Variants in CCDC12 observed in about 807,000 individuals in gnomAD.
CCDC12 encodes the protein coiled-coil domain containing 12.
A neutral mutation model predicts 25.7 loss-of-function variants in CCDC12; 28 were observed. That is an observed-to-expected ratio of 1.09 (90% CI 0.81 to 1.50). The LOEUF (loss-of-function observed/expected upper bound fraction) is 1.50, where lower values mean the gene tolerates loss of function less well. Ranked by LOEUF, CCDC12 falls within the 40% of genes most tolerant of loss-of-function variation. The probability of loss-of-function intolerance (pLI) is 0.00; values close to 1 mark genes in which losing one functional copy is unlikely to be tolerated. For missense variants in CCDC12, 198 were observed against 210.0 expected, an observed-to-expected ratio of 0.94 and a Z score of 0.35; for synonymous variants, 75 against 87.7, an observed-to-expected ratio of 0.86 and a Z score of 0.81.
chr3:46,952,829 G>A (rs1559559474), intron 1 of CCDC12, among the ~76,000 whole-genome samples: 1 of 152,226 alleles, frequency 6.6e-6, no homozygotes, highest in Non-Finnish European at 1.5e-5. Flanking sequence ...TACCACAGAT[G>A]AGAAAAATGG....
chr3:46,970,379 G>A (rs4522803), intron 1 of CCDC12, among the ~76,000 whole-genome samples: 143,850 of 152,148 alleles, frequency 0.95, 68,561 homozygotes, highest in East Asian at 1. Context: ...AGGGAAGCCA[G>A]AAGATTGGAC....
intron 3 of CCDC12, chr3:46,924,975 T>A (rs180671757): frequency 1.4e-4 from 45 of 315,892 alleles, no homozygotes; most frequent in African/African-American, 8.9e-4. Flanking sequence ...TCCCACGCCA[T>A]GGCAAGAGTC....
chr3:46,946,538 A>G (rs2033914579), intron 1 of CCDC12, among the ~76,000 whole-genome samples: 1 of 152,238 alleles, frequency 6.6e-6, no homozygotes, highest in Non-Finnish European at 1.5e-5. Context: ...GCAGGCCCAC[A>G]TGGCTGGCCC....
intron 1 of CCDC12, among the ~76,000 whole-genome samples, chr3:46,954,881 C>T (rs934692673): frequency 6.6e-6 from 1 of 152,146 alleles, no homozygotes; most frequent in African/African-American, 2.4e-5. Flanking sequence ...CAAGACTGCA[C>T]CACTGCACTC....
intron 2 of CCDC12, among the ~76,000 whole-genome samples, chr3:46,932,154 G>A (rs9841902): frequency 0.047 from 7,110 of 152,190 alleles, 321 homozygotes; most frequent in African/African-American, 0.11. Context: ...TCCCTGACCC[G>A]GTAACCCTGC....
chr3:46,977,882 G>C (rs1559571350), upstream of CCDC12, among the ~76,000 whole-genome samples: 1 of 152,230 alleles, frequency 6.6e-6, no homozygotes. Context: ...GAAGCTGCCA[G>C]AGTCTTCTTT....
At chr3:46,973,583 AG>A (rs1317317985) in intron 1 of CCDC12, among the ~76,000 whole-genome samples, 1 of 149,568 alleles carries the variant, frequency 6.7e-6, no homozygotes, top group East Asian at 2.0e-4. Flanking sequence ...ATACTCAAAC[AG>A]GTATCTGTAC....
chr3:46,935,276 T>C (rs1575542580), intron 2 of CCDC12, among the ~76,000 whole-genome samples: 1 of 151,934 alleles, frequency 6.6e-6, no homozygotes, highest in Non-Finnish European at 1.5e-5. Context: ...GCTGTGGAGG[T>C]TGGGAGGTCG....
At chr3:46,936,421 T>C (rs1288355051) in intron 2 of CCDC12, among the ~76,000 whole-genome samples, 1 of 152,246 alleles carries the variant, frequency 6.6e-6, no homozygotes, top group Admixed American at 6.5e-5. Context: ...TCACGGTGCC[T>C]TCCTTCTGCC....
At chr3:46,938,351 G>A (rs1450329409) in intron 2 of CCDC12, among the ~76,000 whole-genome samples, 1 of 152,082 alleles carries the variant, frequency 6.6e-6, no homozygotes, top group Non-Finnish European at 1.5e-5. Context: ...TCACTGACAG[G>A]AGCCTGGAAC....
chr3:46,936,535 C>T (rs1047644625), intron 2 of CCDC12, among the ~76,000 whole-genome samples: 3 of 152,112 alleles, frequency 2.0e-5, no homozygotes, highest in East Asian at 1.9e-4. Context: ...GAAGATTCTG[C>T]GGCTCACTGA....
intron 1 of CCDC12, among the ~76,000 whole-genome samples, chr3:46,951,826 T>TATATATAA (rs1460071732): frequency 8.4e-5 from 3 of 35,732 alleles, no homozygotes; most frequent in South Asian, 1.5e-3. Context: ...TATATATACT[T>TATATATAA]AATGAGGATC....
At chr3:46,980,251 TGAGACCTGGA>T (rs1014599260), upstream of CCDC12, among the ~76,000 whole-genome samples, 6 of 152,138 alleles carry the variant, frequency 3.9e-5, no homozygotes, top group African/African-American at 9.7e-5. Flanking sequence ...ATGGGGAAAC[TGAGACCTGGA>T]GAGACCTGGA....
intron 2 of CCDC12, among the ~76,000 whole-genome samples, chr3:46,933,194 C>T (rs1314563345): frequency 6.6e-6 from 1 of 152,216 alleles, no homozygotes; most frequent in Non-Finnish European, 1.5e-5. Flanking sequence ...AAACTCCCTC[C>T]CTCAACGGGA....
chr3:46,964,952 A>C (rs935777782), intron 1 of CCDC12, among the ~76,000 whole-genome samples: 1 of 151,886 alleles, frequency 6.6e-6, no homozygotes, highest in Non-Finnish European at 1.5e-5. Flanking sequence ...GATCAATAAA[A>C]AAATAAAATA....
intron 1 of CCDC12, among the ~76,000 whole-genome samples, chr3:46,954,568 G>A (rs1017760057): frequency 3.3e-5 from 5 of 152,216 alleles, no homozygotes; most frequent in Admixed American, 6.5e-5. Flanking sequence ...GACCTTTCAT[G>A]TGGGTAGATT....
upstream of CCDC12, among the ~76,000 whole-genome samples, chr3:46,981,034 C>T (rs965123868): frequency 5.3e-5 from 8 of 152,228 alleles, no homozygotes; most frequent in South Asian, 4.1e-4. Flanking sequence ...CTCTTCAGTC[C>T]GCTCAGGTTG....
At chr3:46,923,515 G>A (rs868045999) in intron 4 of CCDC12, 92 bp downstream of exon 4, 40 of 1,466,336 alleles carry the variant, frequency 2.7e-5, no homozygotes, top group African/African-American at 4.2e-5. Flanking sequence ...AAGAAGTGAC[G>A]AGAAGGAATG....
intron 2 of CCDC12, among the ~76,000 whole-genome samples, chr3:46,929,319 T>C (rs555792084): frequency 3.3e-5 from 5 of 152,106 alleles, no homozygotes; most frequent in South Asian, 4.2e-4. Context: ...AGAATGGAGA[T>C]AAAAAAGGAA....
Sources: gnomAD v4.1 joint callset for allele counts (sites outside exome capture counted in the v4.1 genomes callset) on GRCh38, gnomAD v4.1.1 for gene constraint, MANE v1.5 for transcripts, NCBI Gene and HGNC (gene_info 2026-07-23, HGNC 2026-07-21) for gene names.